Variants in GARRE1 observed in about 807,000 individuals in gnomAD.
The protein encoded by GARRE1 is granule associated Rac and RHOG effector protein 1.
In GARRE1, 49 loss-of-function variants were observed where a neutral mutation model predicts 103.2. The ratio of observed to expected loss-of-function variants is 0.47; its 90% CI spans 0.38 to 0.60. The LOEUF (loss-of-function observed/expected upper bound fraction) is 0.60, where lower values mean the gene tolerates loss of function less well. GARRE1 is among the 20% of genes least tolerant of loss of function. The pLI is 0.00. For missense variants in GARRE1, 1,199 were observed against 1,370.5 expected (o/e 0.87, Z 1.98); for synonymous variants, 505 against 532.8 (o/e 0.95, Z 0.72).
chr19:34,336,948 G>A (rs1017383792), intron 8 of GARRE1, among the ~76,000 whole-genome samples: 3 of 151,722 alleles, frequency 2.0e-5, no homozygotes, highest in Admixed American at 6.6e-5. Flanking sequence ...GATTTCATTT[G>A]TAACTCATTG....
At chr19:34,293,715 AACACACACACACAC>A (rs146336774) in intron 1 of GARRE1, among the ~76,000 whole-genome samples, 2 of 100,498 alleles carry the variant, frequency 2.0e-5, no homozygotes, top group South Asian at 3.6e-4. Context: ...TAAACATATA[AACACACACACACAC>A]ACACACACAC....
In GARRE1 at chr19:34,339,853, T is replaced by A; in HGVS notation, c.1362-14T>A. 6.2e-7 allele frequency: 1 copy of A among 1,614,074 alleles called. No individual in the cohort carries two copies. The highest frequency in any genetic ancestry group is 8.5e-7 in the Non-Finnish European group (1 of 1,179,978). Reference sequence around the variant, plus strand: ...AAATGCAGCCAAGACTAATGCAGCCTAATCTATGCCTAGGTGCCTGAAAGA... The same window carrying A: ...AAATGCAGCCAAGACTAATGCAGCCAAATCTATGCCTAGGTGCCTGAAAGA... On this transcript the variant is annotated splice_polypyrimidine_tract_variant and intron_variant, in intron 8 of 13. Transcript: ENST00000299505.
At chr19:34,284,932 C>G (rs2073877395) in intron 1 of GARRE1, among the ~76,000 whole-genome samples, 1 of 152,132 alleles carries the variant, frequency 6.6e-6, no homozygotes, top group Non-Finnish European at 1.5e-5. Flanking sequence ...TGGCATATGC[C>G]TGTAGTCCCA....
intron 1 of GARRE1, among the ~76,000 whole-genome samples, chr19:34,264,588 C>T (rs1338192256): frequency 2.6e-5 from 4 of 152,032 alleles, no homozygotes; most frequent in Admixed American, 2.0e-4. Context: ...TTAGTAGAGA[C>T]GGGGTTTCAC....
chr19:34,254,961 C>T (rs2073661784), intron 1 of GARRE1, among the ~76,000 whole-genome samples: 1 of 151,552 alleles, frequency 6.6e-6, no homozygotes, highest in Non-Finnish European at 1.5e-5. Flanking sequence ...CTCGGTTCGC[C>T]GGGGCCCGGG....
intron 8 of GARRE1, 120 bp from the exon 9 acceptor site, chr19:34,339,747 T>C: frequency 1.8e-6 from 2 of 1,137,726 alleles, no homozygotes; most frequent in East Asian, 4.7e-5. Context: ...TTCTTACAGT[T>C]ACTGAATTTT....
intron 2 of GARRE1, among the ~76,000 whole-genome samples, chr19:34,308,207 AC>A (rs1243568495): frequency 2.0e-5 from 3 of 150,400 alleles, no homozygotes; most frequent in African/African-American, 7.3e-5. Flanking sequence ...ATTTGCATTA[AC>A]CTTAATGGAA....
At chr19:34,350,682 C>A (rs976955137) in intron 12 of GARRE1, among the ~76,000 whole-genome samples, 1 of 152,058 alleles carries the variant, frequency 6.6e-6, no homozygotes, top group African/African-American at 2.4e-5. Flanking sequence ...TCCGGGTTCA[C>A]GCCATTCTCC....
In GARRE1 at chr19:34,341,666, G is replaced by A. The variant is rs749062694; in HGVS notation, c.1732G>A (p.Ala578Thr). The A allele has an allele frequency of 1.9e-6, 3 of 1,614,144 alleles. No individual in the cohort carries two copies. The highest frequency in any genetic ancestry group is 1.3e-5 in the African/African-American group (1 of 75,034). The part of the protein sequence containing the change: ...IFIAGCSEEK[A>T]KMPGNIDTRL... ...CATAGCTGGATGTTCCGAAGAGAAG[G>A]CCAAAATGCCTGGCAATATTGATAC... Residue 578 changes from alanine (A) to threonine (T), a missense_variant, in exon 10 of 14, where the codon GCC becomes ACC. By Grantham distance (58) the Ala-to-Thr change is moderately conservative. Coordinates refer to ENST00000299505, the MANE Select transcript of GARRE1 (RefSeq NM_014686.5).
In GARRE1 at chr19:34,342,413, G is replaced by C; in HGVS notation, c.2479G>C (p.Val827Leu). The stretch of plus-strand genomic sequence containing the variant: ...GCCCAACCGTGACCAAAGTGATGGA[G>C]TCTTTGGAATGCTGGGAGAGATTCT... ...TWPNRDQSDG[V>L]FGMLGEILPF... Residue 827 changes from valine (V) to leucine (L), a missense_variant, in exon 10 of 14, where the codon GTC becomes CTC. Transcript: ENST00000299505. 6.2e-7 allele frequency: 1 copy of C among 1,614,100 alleles called. No individual in the cohort carries two copies. Among genetic ancestry groups the C allele is most frequent in the Non-Finnish European group, 8.5e-7 (1 of 1,179,952 alleles).
intron 9 of GARRE1, among the ~76,000 whole-genome samples, chr19:34,340,556 T>C (rs541966461): frequency 6.6e-6 from 1 of 152,064 alleles, no homozygotes; most frequent in South Asian, 2.1e-4. Flanking sequence ...AGTGTAGTGG[T>C]ACAATCTCAG....
chr19:34,342,117 A>AAG lies in GARRE1; in HGVS notation c.2184_2185insGA (p.Pro729AspfsTer67). The AAG allele has an allele frequency of 1.9e-6, 3 of 1,614,124 alleles. No individual in the cohort carries two copies. Among genetic ancestry groups the AAG allele is most frequent in the Non-Finnish European group, 2.5e-6 (3 of 1,180,006 alleles). The stretch of plus-strand genomic sequence containing the variant: ...CAGCAGCAGTCCCCAAAGCAGCAAC[A>AAG]ACCTCAAGTCCAATACTACCAACAC... On this transcript the variant is annotated frameshift_variant, in exon 10 of 14. Coordinates refer to ENST00000299505, the MANE Select transcript of GARRE1 (RefSeq NM_014686.5). LOFTEE classifies it high-confidence loss of function.
chr19:34,311,409 C>T (rs55997408), intron 2 of GARRE1, among the ~76,000 whole-genome samples: 18,814 of 151,862 alleles, frequency 0.12, 1,429 homozygotes, highest in African/African-American at 0.21. Flanking sequence ...AATTTTCTAC[C>T]GTCTCCAGTG....
intron 10 of GARRE1, among the ~76,000 whole-genome samples, chr19:34,345,183 C>T (rs956102820): frequency 1.1e-4 from 16 of 152,160 alleles, no homozygotes; most frequent in African/African-American, 3.6e-4. Flanking sequence ...GACCTCCTGA[C>T]CTCAGGTGAT....
intron 1 of GARRE1, among the ~76,000 whole-genome samples, chr19:34,256,833 T>G (rs1490043206): frequency 6.6e-6 from 1 of 152,226 alleles, no homozygotes. Context: ...TATTTTGTTT[T>G]AAAAAGAAAT....
chr19:34,273,432 T>C (rs1315967808), intron 1 of GARRE1, among the ~76,000 whole-genome samples: 1 of 152,210 alleles, frequency 6.6e-6, no homozygotes, highest in African/African-American at 2.4e-5. Context: ...ACCTTATTTC[T>C]AGCATCTAAC....
Position 34,349,156 on chromosome 19 carries a change from A to G in GARRE1, c.2825+3A>G. ...GTTGCTGCTGTCAAGCAGAGAAGGT[A>G]TGAAGGGATTTCTAAACCAAGGTGG... On this transcript the variant is annotated splice_donor_region_variant and intron_variant, in intron 12 of 13. Coordinates refer to ENST00000299505, the MANE Select transcript of GARRE1 (RefSeq NM_014686.5). 1 of 1,611,760 alleles carries G rather than the reference A, an allele frequency of 6.2e-7. No homozygotes were observed. The highest frequency in any genetic ancestry group is 8.5e-7 in the Non-Finnish European group (1 of 1,179,946).
In GARRE1 at chr19:34,263,265, G is replaced by GAGATAGATAGATAGAT. The variant is rs147778168; in HGVS notation, c.-796+8673_-796+8688dup. Among the ~76,000 whole-genome samples the GAGATAGATAGATAGAT allele has an allele frequency of 1.3e-3, 189 of 149,612 alleles. 1 individual carries two copies. The highest frequency in any genetic ancestry group is 3.0e-3 in the South Asian group (14 of 4,742). ...AATAATGTCTCCCTCTCTCGATAGA[G>GAGATAGATAGATAGAT]AGATAGATAGATAGATAGATAGATA... On this transcript the variant is annotated intron_variant, in intron 1 of 13. Coordinates refer to ENST00000299505, the MANE Select transcript of GARRE1 (RefSeq NM_014686.5).
intron 1 of GARRE1, among the ~76,000 whole-genome samples, chr19:34,270,118 C>T (rs1322834919): frequency 6.6e-6 from 1 of 152,218 alleles, no homozygotes; most frequent in Non-Finnish European, 1.5e-5. Context: ...TTGTGAACTT[C>T]CTCCCCCACT....
Sources: allele counts gnomAD v4.1 joint callset (sites outside exome capture counted in the v4.1 genomes callset), GRCh38; gene constraint gnomAD v4.1.1; transcripts MANE v1.5; gene names NCBI Gene and HGNC (gene_info 2026-07-23, HGNC 2026-07-21).